The following GRM7 variants were observed in gnomAD, a reference collection of about 807,000 sequenced individuals.
GRM7 encodes the protein metabotropic glutamate receptor 7.
In GRM7, 35 loss-of-function variants were observed where a neutral mutation model predicts 84.5. The observed-to-expected ratio is 0.41, with a 90% CI of 0.32 to 0.55. The LOEUF is 0.55. GRM7 is among the 20% of genes least tolerant of loss of function. The probability of loss-of-function intolerance (pLI) is 0.19; values close to 1 mark genes in which losing one functional copy is unlikely to be tolerated. For synonymous variants in GRM7, 487 were observed against 455.1 expected (o/e 1.07, Z -0.89); for missense variants, 1,003 against 1,194.6 (o/e 0.84, Z 2.36).
intron 2 of GRM7, among the ~76,000 whole-genome samples, chr3:7,209,262 C>G (rs1202862608): frequency 6.6e-6 from 1 of 152,142 alleles, no homozygotes; most frequent in East Asian, 1.9e-4. Flanking sequence ...ATAAATTTGT[C>G]ACATCCTAGG....
intron 1 of GRM7, among the ~76,000 whole-genome samples, chr3:7,144,830 G>C (rs1227525259): frequency 6.6e-6 from 1 of 152,164 alleles, no homozygotes; most frequent in African/African-American, 2.4e-5. Context: ...TGCTCAGGTA[G>C]AAGGACCCAT....
At chr3:7,036,167 A>G (rs1196788861) in intron 1 of GRM7, among the ~76,000 whole-genome samples, 2 of 152,216 alleles carry the variant, frequency 1.3e-5, no homozygotes, top group African/African-American at 4.8e-5. Context: ...TTATGGCATT[A>G]TGATTCATTA....
At chr3:7,441,690 TC>T (rs1461818165) in intron 5 of GRM7, among the ~76,000 whole-genome samples, 1 of 152,208 alleles carries the variant, frequency 6.6e-6, no homozygotes, top group Non-Finnish European at 1.5e-5. Context: ...GTTTCAGTCT[TC>T]TGCATATGGC....
intron 8 of GRM7, among the ~76,000 whole-genome samples, chr3:7,610,349 C>T (rs1421988293): frequency 1.3e-5 from 2 of 152,164 alleles, no homozygotes; most frequent in East Asian, 1.9e-4. Context: ...TGTGACAGCT[C>T]ATTACCAGGC....
At chr3:7,097,640 T>C (rs1470144011) in intron 1 of GRM7, among the ~76,000 whole-genome samples, 1 of 152,110 alleles carries the variant, frequency 6.6e-6, no homozygotes. Flanking sequence ...GACTAATAAA[T>C]AGAATTCTCT....
chr3:7,216,759 G>GC (rs1696627010), intron 2 of GRM7, among the ~76,000 whole-genome samples: 2 of 151,976 alleles, frequency 1.3e-5, no homozygotes, highest in South Asian at 4.1e-4. Context: ...TTTAAGGTTT[G>GC]TTTTTGTTTG....
At chr3:7,619,642 A>T (rs945022797) in intron 8 of GRM7, among the ~76,000 whole-genome samples, 1 of 152,142 alleles carries the variant, frequency 6.6e-6, no homozygotes, top group African/African-American at 2.4e-5. Flanking sequence ...AAGATCAGTG[A>T]ACGTGGAAGT....
chr3:7,090,788 A>G (rs1329181678), intron 1 of GRM7, among the ~76,000 whole-genome samples: 1 of 150,760 alleles, frequency 6.6e-6, no homozygotes, highest in African/African-American at 2.5e-5. Flanking sequence ...AAATTTAGAA[A>G]GGGATCCTCT....
At chr3:7,207,606 A>G (rs181567583) in intron 2 of GRM7, among the ~76,000 whole-genome samples, 24 of 152,298 alleles carry the variant, frequency 1.6e-4, no homozygotes, top group Non-Finnish European at 2.9e-4. Context: ...GAGAGAAGCA[A>G]AGGGCTAGAA....
chr3:7,516,767 A>C (rs1700408202), intron 7 of GRM7, among the ~76,000 whole-genome samples: 1 of 152,096 alleles, frequency 6.6e-6, no homozygotes, highest in South Asian at 2.1e-4. Context: ...TATTGCCACC[A>C]TTTGCCTCTG....
chr3:7,408,674 C>T (rs1443251811), intron 4 of GRM7, among the ~76,000 whole-genome samples: 1 of 152,324 alleles, frequency 6.6e-6, no homozygotes, highest in South Asian at 2.1e-4. Context: ...AGACAAGAAA[C>T]TGACACCTGT....
intron 7 of GRM7, among the ~76,000 whole-genome samples, chr3:7,480,194 A>G (rs552296868): frequency 4.6e-5 from 7 of 152,324 alleles, no homozygotes; most frequent in African/African-American, 1.7e-4. Flanking sequence ...CTAGGTGGCA[A>G]AGATAAGAAC....
intron 7 of GRM7, among the ~76,000 whole-genome samples, chr3:7,473,431 G>A (rs528090192): frequency 1.3e-5 from 2 of 151,260 alleles, no homozygotes; most frequent in Non-Finnish European, 2.9e-5. Flanking sequence ...AGCTATGACT[G>A]CACTGCTGCA....
chr3:6,985,312 C>A (rs986492020), intron 1 of GRM7, among the ~76,000 whole-genome samples: 2 of 151,996 alleles, frequency 1.3e-5, no homozygotes, highest in Non-Finnish European at 2.9e-5. Flanking sequence ...CTTATTCATT[C>A]TTTCTATTTT....
rs181236189 is a variant in GRM7, at chr3:7,074,259, G to A, written c.520-72193G>A. ...AATGAGGCTTAGATGTTGCACTAGC[G>A]GTGAGTGGTAGAGTTCAGATTCCAA... is the stretch of plus-strand genomic sequence containing the variant. On this transcript the variant is annotated intron_variant, in intron 1 of 9. Coordinates refer to ENST00000357716, the MANE Select transcript of GRM7 (RefSeq NM_000844.4). Among the ~76,000 whole-genome samples, 305 of 152,176 alleles carry A rather than the reference G, an allele frequency of 2.0e-3. 2 individuals are homozygous for A. The highest frequency in any genetic ancestry group is 6.8e-3 in the Middle Eastern group (2 of 294).
intron 2 of GRM7, among the ~76,000 whole-genome samples, chr3:7,213,173 G>C (rs1231149963): frequency 6.6e-6 from 1 of 152,114 alleles, no homozygotes; most frequent in Non-Finnish European, 1.5e-5. Flanking sequence ...AACTTAACCA[G>C]TCAAAAACAA....
At chr3:6,881,379 A>G (rs1695502231) in intron 1 of GRM7, among the ~76,000 whole-genome samples, 1 of 152,130 alleles carries the variant, frequency 6.6e-6, no homozygotes, top group Non-Finnish European at 1.5e-5. Context: ...TTTATAAGTG[A>G]GAACATGCGG....
chr3:7,410,861 T>C (rs1170389597), intron 4 of GRM7, among the ~76,000 whole-genome samples: 1 of 152,102 alleles, frequency 6.6e-6, no homozygotes, highest in African/African-American at 2.4e-5. Flanking sequence ...AAGGATAACA[T>C]AAAAAATGGC....
At chr3:7,732,263 T>A (rs908490089) in intron 9 of GRM7, among the ~76,000 whole-genome samples, 2 of 152,098 alleles carry the variant, frequency 1.3e-5, no homozygotes, top group African/African-American at 4.8e-5. Flanking sequence ...TGGTAACACA[T>A]CCCAAAAATA....
Sources: gnomAD v4.1 joint callset for allele counts (sites outside exome capture counted in the v4.1 genomes callset) on GRCh38, gnomAD v4.1.1 for gene constraint, MANE v1.5 for transcripts, NCBI Gene and HGNC (gene_info 2026-07-23, HGNC 2026-07-21) for gene names.